Variants in DENND4A observed in about 807,000 individuals in gnomAD.
The protein encoded by DENND4A is DENN domain containing 4A.
In DENND4A, 70 loss-of-function variants were observed where a neutral mutation model predicts 199.3. That is an observed-to-expected ratio of 0.35 (90% CI 0.29 to 0.43). The LOEUF is 0.43. DENND4A is among the 20% of genes least tolerant of loss of function. The pLI, the probability that DENND4A is intolerant of heterozygous loss-of-function variation, is 1.00. For synonymous variants in DENND4A, 686 were observed against 766.9 expected (o/e 0.89, Z 1.74); for missense variants, 1,723 against 2,255.8 (o/e 0.76, Z 4.78).
intron 4 of DENND4A, among the ~76,000 whole-genome samples, chr15:65,747,478 C>G (rs1347254399): frequency 6.6e-6 from 1 of 152,148 alleles, no homozygotes; most frequent in Non-Finnish European, 1.5e-5. Flanking sequence ...CCAGGTCACA[C>G]AGCCAGTAAT....
At chr15:65,735,476 G>A (rs80026315) in intron 7 of DENND4A, among the ~76,000 whole-genome samples, 1,898 of 152,332 alleles carry the variant, frequency 0.012, 52 homozygotes, top group African/African-American at 0.043. Flanking sequence ...CAGTGCAAGA[G>A]CATTGTGGGT....
At chr15:65,719,843 C>T (rs1056843209) in intron 12 of DENND4A, among the ~76,000 whole-genome samples, 2 of 151,926 alleles carry the variant, frequency 1.3e-5, no homozygotes, top group African/African-American at 2.4e-5. Context: ...TGCCATAAAC[C>T]GTGATCGCGC....
At chr15:65,706,446 TA>T (rs1281956851) in intron 14 of DENND4A, among the ~76,000 whole-genome samples, 2 of 94,682 alleles carry the variant, frequency 2.1e-5, no homozygotes, top group African/African-American at 8.4e-5. Context: ...AAGGGGAAAA[TA>T]ACACACACAC....
At chr15:65,786,619 A>G (rs77832100) in intron 1 of DENND4A, among the ~76,000 whole-genome samples, 5,886 of 152,266 alleles carry the variant, frequency 0.039, 390 homozygotes, top group African/African-American at 0.14. Context: ...AGCTCATTTA[A>G]TTTTTACAAC....
In DENND4A at chr15:65,731,233, C is replaced by T. The variant is rs191466477; in HGVS notation, c.1166+409G>A. Among the ~76,000 whole-genome samples, 7 of 151,940 alleles carry T rather than the reference C, an allele frequency of 4.6e-5. No homozygotes were observed. In the East Asian group the frequency reaches 1.4e-3, roughly 29 times the overall value. ...TTCTAAGGTAAGAAAATACATTGTCCTATTCTACAATTTAATAATTAGAAC... is the reference window on the plus strand; with the variant it reads ...TTCTAAGGTAAGAAAATACATTGTCTTATTCTACAATTTAATAATTAGAAC... On this transcript the variant is annotated intron_variant, in intron 9 of 32. Transcript: ENST00000443035.
intron 15 of DENND4A, 40 bp downstream of exon 15, chr15:65,706,051 C>T: frequency 6.8e-7 from 1 of 1,467,270 alleles, no homozygotes. Flanking sequence ...TGATGGATTG[C>T]TTCTCTCTTT....
chr15:65,739,648 TG>T (rs1441523942), intron 5 of DENND4A, among the ~76,000 whole-genome samples: 1 of 152,002 alleles, frequency 6.6e-6, no homozygotes, highest in Admixed American at 6.6e-5. Context: ...GGAATATAAG[TG>T]GTTGTTGGTT....
intron 4 of DENND4A, among the ~76,000 whole-genome samples, chr15:65,744,626 T>C (rs1383133553): frequency 6.6e-6 from 1 of 152,204 alleles, no homozygotes; most frequent in Non-Finnish European, 1.5e-5. Flanking sequence ...TGGTGTATTA[T>C]ATATTTTCTT....
chr15:65,755,583 T>G (rs997195413), intron 3 of DENND4A, among the ~76,000 whole-genome samples: 5 of 151,812 alleles, frequency 3.3e-5, no homozygotes, highest in African/African-American at 1.2e-4. Flanking sequence ...CTGGGCAACA[T>G]AGCAAGACCC....
chr15:65,776,217 G>C (rs1035495110), intron 1 of DENND4A, among the ~76,000 whole-genome samples: 1 of 152,150 alleles, frequency 6.6e-6, no homozygotes, highest in Non-Finnish European at 1.5e-5. Context: ...CCCTGGCAGA[G>C]AGAAGTCAGT....
chr15:65,720,947 T>TAATATATATATATATATATA (rs1555425654), intron 12 of DENND4A, among the ~76,000 whole-genome samples: 1 of 76,234 alleles, frequency 1.3e-5, no homozygotes, highest in Non-Finnish European at 2.7e-5. Flanking sequence ...GTTTCATTGA[T>TAATATATATATATATATATA]TATATATATA....
At chr15:65,722,817 A>G (rs775264117) in intron 12 of DENND4A, 31 bp downstream of exon 12, 5 of 1,499,466 alleles carry the variant, frequency 3.3e-6, no homozygotes, top group South Asian at 2.6e-5. Flanking sequence ...TTCAGATTAA[A>G]TTACCTCCTT....
chr15:65,734,580 C>T lies in DENND4A; in HGVS notation c.1041-1762G>A, dbSNP rs142608632. ...TTTCCAAGTCTCTTGTTCCACCTAA[C>T]GAGAAACACCCACAGGTGTGGAGGG... is the stretch of plus-strand genomic sequence containing the variant. On this transcript the variant is annotated intron_variant, in intron 7 of 32. Transcript: ENST00000443035. Among the ~76,000 whole-genome samples, 379 of 152,190 alleles carry T rather than the reference C, an allele frequency of 2.5e-3. 1 individual carries two copies. Among genetic ancestry groups the T allele is most frequent in the African/African-American group, 8.7e-3 (360 of 41,506 alleles).
chr15:65,761,952 G>C (rs1335011956), intron 1 of DENND4A, among the ~76,000 whole-genome samples: 4 of 152,188 alleles, frequency 2.6e-5, no homozygotes, highest in Admixed American at 1.3e-4. Context: ...TCAGCCTTCT[G>C]TATCCATGAG....
In DENND4A at chr15:65,741,634, T is replaced by G. The variant is rs2076264844; in HGVS notation, c.631+81A>C. The G allele has an allele frequency of 7.2e-6, 8 of 1,113,838 alleles. No individual in the cohort carries two copies. The South Asian group carries it at 1.1e-4, about 15-fold the overall frequency. The allele number at this position is 1,113,838 out of a possible 1,614,324, so 69.0% of individuals were successfully genotyped here. A position where few individuals can be genotyped will look rare whatever the true frequency, so the allele number is the denominator to read the frequency against. The stretch of plus-strand genomic sequence containing the variant: ...TCCCAGTCCTGATACTAACACAGAC[T>G]AGGCAGGTTTCTTTACTTTAACCTT... On this transcript the variant is annotated intron_variant, in intron 5 of 32. Transcript: ENST00000443035.
intron 7 of DENND4A, among the ~76,000 whole-genome samples, chr15:65,735,071 A>T (rs1401593300): frequency 6.6e-6 from 1 of 152,056 alleles, no homozygotes; most frequent in Non-Finnish European, 1.5e-5. Context: ...CAACAGAGTG[A>T]GACACTGATT....
Position 65,700,975 on chromosome 15 carries a change from T to C in DENND4A, c.2701+76A>G, listed in dbSNP as rs556589557. ...TAAAACATTCAATATTTTAAAACTA[T>C]TTAAAATTTCTAAAAATGTAAACTG... On this transcript the variant is annotated intron_variant, in intron 19 of 32. Coordinates refer to ENST00000443035, the MANE Select transcript of DENND4A (RefSeq NM_001320835.1). 5 of 1,468,674 alleles carry C rather than the reference T, an allele frequency of 3.4e-6. No homozygotes were observed. In the African/African-American group the frequency reaches 5.8e-5, roughly 17 times the overall value. The allele number at this position is 1,468,674 out of a possible 1,614,324, so 91.0% of individuals were successfully genotyped here.
At chr15:65,749,634 T>C (rs2076506063) in intron 4 of DENND4A, among the ~76,000 whole-genome samples, 1 of 151,620 alleles carries the variant, frequency 6.6e-6, no homozygotes, top group Non-Finnish European at 1.5e-5. Flanking sequence ...TTAAGTATAT[T>C]TAATATTTAA....
intron 1 of DENND4A, among the ~76,000 whole-genome samples, chr15:65,776,910 G>A (rs918554159): frequency 9.2e-5 from 14 of 152,158 alleles, no homozygotes; most frequent in South Asian, 6.2e-4. Flanking sequence ...ACGGTGGCCT[G>A]TAATCCCAGC....
Sources: allele counts gnomAD v4.1 joint callset (sites outside exome capture counted in the v4.1 genomes callset), GRCh38; gene constraint gnomAD v4.1.1; transcripts MANE v1.5; gene names NCBI Gene and HGNC (gene_info 2026-07-23, HGNC 2026-07-21).